The following MIDEAS variants were observed in gnomAD, a reference collection of about 807,000 sequenced individuals.
The protein encoded by MIDEAS is mitotic deacetylase-associated SANT domain protein.
A neutral mutation model predicts 102.7 loss-of-function variants in MIDEAS; 26 were observed. The observed-to-expected ratio is 0.25, with a 90% CI of 0.19 to 0.35. The LOEUF is 0.35. MIDEAS is among the 10% of genes least tolerant of loss of function. The pLI, the probability that MIDEAS is intolerant of heterozygous loss-of-function variation, is 1.00. For synonymous variants in MIDEAS, 585 were observed against 591.0 expected, an observed-to-expected ratio of 0.99 and a Z score of 0.15; for missense variants, 1,231 against 1,435.6, an observed-to-expected ratio of 0.86 and a Z score of 2.30.
At chr14:73,732,959 G>GT (rs201957819) in intron 3 of MIDEAS, among the ~76,000 whole-genome samples, 9,476 of 151,638 alleles carry the variant, frequency 0.062, 1,013 homozygotes, top group African/African-American at 0.22. Flanking sequence ...GGGTGTGGTG[G>GT]TGGGCACCTG....
intron 1 of MIDEAS, among the ~76,000 whole-genome samples, chr14:73,765,971 A>C (rs1398714950): frequency 6.6e-6 from 1 of 152,212 alleles, no homozygotes; most frequent in African/African-American, 2.4e-5. Context: ...GGACCAATTC[A>C]ATAGTGGTGC....
Position 73,729,620 on chromosome 14 carries a change from C to T in MIDEAS, c.2095+20G>A, listed in dbSNP as rs770857004. 1.9e-6 allele frequency: 3 copies of T among 1,574,526 alleles called. No homozygotes were observed. Among genetic ancestry groups the T allele is most frequent in the Non-Finnish European group, 2.6e-6 (3 of 1,154,344 alleles). On this transcript the variant is annotated intron_variant, in intron 4 of 12. Coordinates refer to ENST00000423556, the MANE Select transcript of MIDEAS (RefSeq NM_001367710.1). Reference sequence around the variant, plus strand: ...GCCCCAGCCCCGCTCCTGCCAGGGTCGCGGAGGGAGGTCACTCACTAGTCC... The same window carrying T: ...GCCCCAGCCCCGCTCCTGCCAGGGTTGCGGAGGGAGGTCACTCACTAGTCC...
At chr14:73,757,293 A>AAAAAAAAAAAAAAAAAAAC in intron 1 of MIDEAS, among the ~76,000 whole-genome samples, 5 of 150,480 alleles carry the variant, frequency 3.3e-5, no homozygotes, top group African/African-American at 1.2e-4. Context: ...AAAAAAAAAA[A>AAAAAAAAAAAAAAAAAAAC]ACACTAAACA....
intron 1 of MIDEAS, among the ~76,000 whole-genome samples, chr14:73,744,028 T>C (rs1448006507): frequency 1.3e-5 from 2 of 149,904 alleles, no homozygotes; most frequent in Non-Finnish European, 2.9e-5. Flanking sequence ...ACTTACTCTC[T>C]ATAGAAGAAA....
At chr14:73,720,562 TA>T (rs113049259) in intron 11 of MIDEAS, among the ~76,000 whole-genome samples, 8 of 151,024 alleles carry the variant, frequency 5.3e-5, no homozygotes, top group African/African-American at 1.7e-4. Context: ...CATACATTTC[TA>T]AAAAAAAAGA....
intron 1 of MIDEAS, among the ~76,000 whole-genome samples, chr14:73,767,729 A>G (rs1204854944): frequency 6.6e-6 from 1 of 152,230 alleles, no homozygotes; most frequent in Admixed American, 6.5e-5. Flanking sequence ...GGAAACTCCC[A>G]TGAAAGTAGG....
At chr14:73,745,187 G>A (rs986056998) in intron 1 of MIDEAS, among the ~76,000 whole-genome samples, 1 of 152,146 alleles carries the variant, frequency 6.6e-6, no homozygotes, top group Non-Finnish European at 1.5e-5. Flanking sequence ...AAGTGAAAAG[G>A]CCCAGCCCGG....
chr14:73,770,068 C>T (rs2053629122), intron 1 of MIDEAS, among the ~76,000 whole-genome samples: 1 of 152,038 alleles, frequency 6.6e-6, no homozygotes, highest in Middle Eastern at 3.4e-3. Flanking sequence ...AAAAGATGCT[C>T]CACAGCACCT....
chr14:73,766,931 C>T (rs1164641767), intron 1 of MIDEAS, among the ~76,000 whole-genome samples: 1 of 148,136 alleles, frequency 6.8e-6, no homozygotes, highest in Non-Finnish European at 1.5e-5. Context: ...TCTCAGCTCA[C>T]TGCAACCTCC....
exon 1 of MIDEAS, chr14:73,787,194 A>C (rs2053821834): frequency 6.7e-6 from 1 of 149,052 alleles, no homozygotes; most frequent in Non-Finnish European, 1.5e-5. Flanking sequence ...GGGACGGCGC[A>C]GTCGTCACTT....
intron 4 of MIDEAS, chr14:73,728,350 TC>T (rs2053092154): frequency 6.6e-6 from 1 of 151,576 alleles, no homozygotes; most frequent in South Asian, 2.1e-4. Context: ...TCAAGGCGGT[TC>T]CGCTTCCATT....
intron 1 of MIDEAS, among the ~76,000 whole-genome samples, chr14:73,786,007 A>AAC (rs2053804178): frequency 6.6e-6 from 1 of 152,226 alleles, no homozygotes; most frequent in East Asian, 1.9e-4. Context: ...CCTGTGTATA[A>AAC]ACATCCACGC....
At chr14:73,733,562 C>T (rs1371938403) in intron 3 of MIDEAS, among the ~76,000 whole-genome samples, 1 of 152,134 alleles carries the variant, frequency 6.6e-6, no homozygotes, top group East Asian at 1.9e-4. Context: ...GCACTCCAGC[C>T]TGCACAACAG....
At position 73,715,912 on chromosome 14, in the gene MIDEAS, G is replaced by A. The variant is rs2052880307; in HGVS notation, c.*2931C>T. On this transcript the variant is annotated 3_prime_UTR_variant, in exon 13 of 13. Coordinates refer to ENST00000423556, the MANE Select transcript of MIDEAS (RefSeq NM_001367710.1). Reference sequence around the variant, plus strand: ...TGAGGGGGGCTGCTGAAGGCATGGAGGACAGTAATGACGGCTGTGCCTCCT... The same window carrying A: ...TGAGGGGGGCTGCTGAAGGCATGGAAGACAGTAATGACGGCTGTGCCTCCT... 1 of 152,438 alleles carries A rather than the reference G, an allele frequency of 6.6e-6. No homozygotes were observed. Among genetic ancestry groups the A allele is most frequent in the Non-Finnish European group, 1.5e-5 (1 of 68,102 alleles). 9.4% of individuals were successfully genotyped at this position (152,438 alleles called of 1,614,324 possible). A position where few individuals can be genotyped will look rare whatever the true frequency, so the allele number is the denominator to read the frequency against.
At chr14:73,758,164 A>G (rs1007718347) in intron 1 of MIDEAS, among the ~76,000 whole-genome samples, 1 of 152,256 alleles carries the variant, frequency 6.6e-6, no homozygotes, top group African/African-American at 2.4e-5. Flanking sequence ...GGTTTATCAC[A>G]GTAATTGAAT....
At position 73,716,252 on chromosome 14, in the gene MIDEAS, T is replaced by A. The variant is rs2052886949; in HGVS notation, c.*2591A>T. On this transcript the variant is annotated 3_prime_UTR_variant, in exon 13 of 13. Transcript: ENST00000423556. Reference sequence around the variant, plus strand: ...TAAACTTTTTAATTTTCACACTGTATCCTAGACATGAATGCATAAAATACA... The same window carrying A: ...TAAACTTTTTAATTTTCACACTGTAACCTAGACATGAATGCATAAAATACA... 6.6e-6 allele frequency: 1 copy of A among 152,334 alleles called. No homozygotes were observed. The highest frequency in any genetic ancestry group is 2.4e-5 in the African/African-American group (1 of 41,448). The allele number at this position is 152,334 out of a possible 1,614,324, so 9.4% of individuals were successfully genotyped here. A position where few individuals can be genotyped will look rare whatever the true frequency, so the allele number is the denominator to read the frequency against.
chr14:73,778,275 A>C (rs2053709639), intron 1 of MIDEAS, among the ~76,000 whole-genome samples: 1 of 151,708 alleles, frequency 6.6e-6, no homozygotes, highest in South Asian at 2.1e-4. Flanking sequence ...GAACAGGAGA[A>C]TCACTTGAAC....
intron 1 of MIDEAS, among the ~76,000 whole-genome samples, chr14:73,781,169 G>C (rs1039745441): frequency 2.6e-5 from 4 of 152,152 alleles, no homozygotes; most frequent in Admixed American, 1.3e-4. Context: ...TCCTCTCTAA[G>C]CCTCAGTTAA....
chr14:73,759,395 C>A lies in MIDEAS; in HGVS notation c.-248+368G>T, dbSNP rs1342408248. Among the ~76,000 whole-genome samples, 1 of 151,924 alleles carries A rather than the reference C, an allele frequency of 6.6e-6. No homozygotes were observed. Among genetic ancestry groups the A allele is most frequent in the African/African-American group, 2.4e-5 (1 of 41,412 alleles). ...GAGCAGCCGGATTCCCGAGCCGCCG[C>A]GGGCCGCCGGGTGGGGAGGGCTTTC... is the stretch of plus-strand genomic sequence containing the variant. On this transcript the variant is annotated intron_variant, in intron 1 of 12. Coordinates refer to ENST00000423556, the MANE Select transcript of MIDEAS (RefSeq NM_001367710.1). The surrounding 1 kb of genome is among the most constrained non-coding windows in gnomAD (Gnocchi z 6.7).
Sources: allele counts gnomAD v4.1 joint callset (sites outside exome capture counted in the v4.1 genomes callset), GRCh38; gene constraint gnomAD v4.1.1; non-coding constraint Gnocchi (gnomAD v3.1); transcripts MANE v1.5; gene names NCBI Gene and HGNC (gene_info 2026-07-23, HGNC 2026-07-21).